The following RFFL variants were observed in gnomAD, a reference collection of about 807,000 sequenced individuals.
RFFL encodes the protein E3 ubiquitin-protein ligase rififylin.
A neutral mutation model predicts 40.4 loss-of-function variants in RFFL; 16 were observed. That is an observed-to-expected ratio of 0.40 (90% CI 0.27 to 0.60). The LOEUF (loss-of-function observed/expected upper bound fraction) is 0.60. Among genes scored for constraint, RFFL ranks in the 20% least tolerant of loss-of-function variants. RFFL has a pLI of 0.47. For synonymous variants in RFFL, 154 were observed against 167.9 expected (o/e 0.92, Z 0.64); for missense variants, 367 against 451.7 (o/e 0.81, Z 1.70).
intron 1 of RFFL, among the ~76,000 whole-genome samples, chr17:35,056,528 C>T (rs182507432): frequency 2.6e-5 from 4 of 152,132 alleles, no homozygotes; most frequent in Non-Finnish European, 5.9e-5. Flanking sequence ...CAGGCATGCA[C>T]CACCACGCCC....
At chr17:35,078,764 T>C (rs958320752) in intron 1 of RFFL, among the ~76,000 whole-genome samples, 3 of 152,056 alleles carry the variant, frequency 2.0e-5, no homozygotes, top group African/African-American at 4.8e-5. Flanking sequence ...CAGATCGCTT[T>C]AGGTCAGGAG....
chr17:35,051,590 T>G (rs1388265169), intron 1 of RFFL, among the ~76,000 whole-genome samples: 2 of 152,210 alleles, frequency 1.3e-5, no homozygotes, highest in Non-Finnish European at 2.9e-5. Flanking sequence ...TTTCCCATGC[T>G]TCGTACTGAC....
chr17:35,059,552 G>A (rs554789392), intron 1 of RFFL, among the ~76,000 whole-genome samples: 180 of 152,214 alleles, frequency 1.2e-3, no homozygotes, highest in Middle Eastern at 3.4e-3. Context: ...AAAAGTCTTC[G>A]GGTAATTTGT....
In RFFL at chr17:35,014,651, G is replaced by A; in HGVS notation, c.910+89C>T. On this transcript the variant is annotated intron_variant, in intron 6 of 6. Coordinates refer to ENST00000394597, the MANE Select transcript of RFFL (RefSeq NM_001017368.2). ...CTCTCTCTGGGGGCTCAAATGCTCA[G>A]AATTCTTAGATTACTAAAGGGATTG... 6 of 1,280,456 alleles carry A rather than the reference G, an allele frequency of 4.7e-6. No individual in the cohort carries two copies. The South Asian group carries it at 7.2e-5, about 15-fold the overall frequency. 79.3% of individuals were successfully genotyped at this position (1,280,456 alleles called of 1,614,324 possible).
intron 1 of RFFL, chr17:35,073,901 C>T (rs1036677096): frequency 2.0e-5 from 3 of 152,138 alleles, no homozygotes; most frequent in African/African-American, 7.2e-5. Flanking sequence ...ACATCAAAAA[C>T]GTTTACAATT....
intron 3 of RFFL, among the ~76,000 whole-genome samples, chr17:35,020,685 G>A (rs941031174): frequency 6.6e-6 from 1 of 152,068 alleles, no homozygotes; most frequent in African/African-American, 2.4e-5. Flanking sequence ...CCAGTAGTTA[G>A]TTGGTCTACC....
intron 1 of RFFL, among the ~76,000 whole-genome samples, chr17:35,051,040 A>T (rs546139245): frequency 9.8e-5 from 15 of 152,306 alleles, no homozygotes; most frequent in African/African-American, 3.4e-4. Context: ...ATTGTTATTT[A>T]AAAAAATAGC....
chr17:35,034,948 A>G (rs536322296), intron 1 of RFFL, among the ~76,000 whole-genome samples: 1 of 152,306 alleles, frequency 6.6e-6, no homozygotes, highest in East Asian at 1.9e-4. Flanking sequence ...CTCAACTTGA[A>G]CATCTTGATA....
Position 35,026,543 on chromosome 17 carries a change from G to A in RFFL, c.11C>T (p.Thr4Ile), listed in dbSNP as rs1162472298. ...ATCCAGGCAGAACCAGTTGCAGCAG[G>A]TTGCCCACATGATAAAATCTGGTGC... MWA[T>I]CCNWFCLDGQ... The change falls in exon 2 of 7, where the codon ACC becomes ATC. Residue 4 changes from threonine to isoleucine, a missense_variant. Transcript: ENST00000394597. 6.2e-7 allele frequency: 1 copy of A among 1,612,674 alleles called. No individual in the cohort carries two copies. Among genetic ancestry groups the A allele is most frequent in the Non-Finnish European group, 8.5e-7 (1 of 1,179,596 alleles).
chr17:35,008,594 C>T lies in RFFL; in HGVS notation c.*3374G>A, dbSNP rs1425568026. ...TACCCACATGCACCACCATGCACGG[C>T]TAATTTTTTGGTTTTTTTGGGTTTT... On this transcript the variant is annotated 3_prime_UTR_variant, in exon 7 of 7. Coordinates refer to ENST00000394597, the MANE Select transcript of RFFL (RefSeq NM_001017368.2). 6.6e-6 allele frequency: 1 copy of T among 152,012 alleles called. No individual in the cohort carries two copies. Among genetic ancestry groups the T allele is most frequent in the East Asian group, 1.9e-4 (1 of 5,184 alleles). The allele number at this position is 152,012 out of a possible 1,614,324, so 9.4% of individuals were successfully genotyped here.
At chr17:35,086,394 C>T (rs772969502) in intron 1 of RFFL, among the ~76,000 whole-genome samples, 2 of 151,598 alleles carry the variant, frequency 1.3e-5, no homozygotes, top group African/African-American at 2.4e-5. Flanking sequence ...GCGAGGATTG[C>T]GTGAGCCCAG....
At chr17:35,087,594 G>A (rs903781180) in intron 1 of RFFL, among the ~76,000 whole-genome samples, 4 of 152,084 alleles carry the variant, frequency 2.6e-5, no homozygotes, top group Admixed American at 2.6e-4. Flanking sequence ...TTAACAGGCT[G>A]GTCTTTGTAA....
chr17:35,086,041 T>C (rs1370437821), intron 1 of RFFL, among the ~76,000 whole-genome samples: 2 of 152,226 alleles, frequency 1.3e-5, no homozygotes, highest in Non-Finnish European at 2.9e-5. Flanking sequence ...CTATCTGAGA[T>C]GGCTTTTATG....
At position 35,017,578 on chromosome 17, in the gene RFFL, T is replaced by C; in HGVS notation, c.620A>G (p.Glu207Gly). 1 of 1,611,532 alleles carries C rather than the reference T, an allele frequency of 6.2e-7. No individual in the cohort carries two copies. Among genetic ancestry groups the C allele is most frequent in the Non-Finnish European group, 8.5e-7 (1 of 1,178,774 alleles). ...CACGCTCTCCAGGTAGACGGGTTCC[T>C]CTTGATCCTGAGACACATGGCCATT... is the stretch of plus-strand genomic sequence containing the variant. ...QANGHVSQDQ[E>G]EPVYLESVAR... The change falls in exon 4 of 7, where the codon GAG becomes GGG. Residue 207 changes from glutamate (E) to glycine (G), a missense_variant. Coordinates refer to ENST00000394597, the MANE Select transcript of RFFL (RefSeq NM_001017368.2).
At chr17:35,087,866 A>T (rs1472303048) in intron 1 of RFFL, among the ~76,000 whole-genome samples, 4 of 152,242 alleles carry the variant, frequency 2.6e-5, no homozygotes, top group African/African-American at 4.8e-5. Flanking sequence ...ATCAGAGAAA[A>T]GGATAAAGAA....
Position 35,009,993 on chromosome 17 carries a change from C to T in RFFL, c.*1975G>A, listed in dbSNP as rs1481352613. 1 of 152,642 alleles carries T rather than the reference C, an allele frequency of 6.6e-6. No individual in the cohort carries two copies. The highest frequency in any genetic ancestry group is 1.5e-5 in the Non-Finnish European group (1 of 68,044). The allele number at this position is 152,642 out of a possible 1,614,324, so 9.5% of individuals were successfully genotyped here. On this transcript the variant is annotated 3_prime_UTR_variant, in exon 7 of 7. Transcript: ENST00000394597. ...TGTCTTCATGAGCAAATCTGATTCC[C>T]CCAACTCCTGCAAAGGCTGTGGTTC...
chr17:35,038,286 CAA>C (rs33952696), intron 1 of RFFL, among the ~76,000 whole-genome samples: 4,472 of 99,392 alleles, frequency 0.045, 165 homozygotes, highest in African/African-American at 0.14. Flanking sequence ...AAAACTGTCT[CAA>C]AAAAAAAAAA....
At chr17:35,081,263 T>C (rs982948068) in intron 1 of RFFL, among the ~76,000 whole-genome samples, 2 of 152,176 alleles carry the variant, frequency 1.3e-5, no homozygotes, top group Non-Finnish European at 2.9e-5. Context: ...TAAGTGTGGA[T>C]TGAGTAATTA....
intron 1 of RFFL, 95 bp from the exon 2 acceptor site, chr17:35,026,656 A>C: frequency 1.1e-6 from 1 of 910,136 alleles, no homozygotes; most frequent in Non-Finnish European, 1.7e-6. Flanking sequence ...GTGACACTCA[A>C]TGCACGCATG....
Sources: allele counts gnomAD v4.1 joint callset (sites outside exome capture counted in the v4.1 genomes callset), GRCh38; gene constraint gnomAD v4.1.1; transcripts MANE v1.5; gene names NCBI Gene and HGNC (gene_info 2026-07-23, HGNC 2026-07-21).